PARVA: variants seen among roughly 807,000 people sequenced by gnomAD.
PARVA encodes alpha-parvin.
A neutral mutation model predicts 52.6 loss-of-function variants in PARVA; 25 were observed. The ratio of observed to expected loss-of-function variants is 0.48; its 90% CI spans 0.35 to 0.66. The LOEUF (loss-of-function observed/expected upper bound fraction) is 0.66, where lower values mean the gene tolerates loss of function less well. Ranked by LOEUF, PARVA falls within the 30% of genes least tolerant of loss-of-function variation. The pLI is 0.01. For missense variants in PARVA, 373 were observed against 450.9 expected, an observed-to-expected ratio of 0.83 and a Z score of 1.56; for synonymous variants, 185 against 179.1, an observed-to-expected ratio of 1.03 and a Z score of -0.26.
At chr11:12,443,869 G>A (rs1167100312) in intron 1 of PARVA, among the ~76,000 whole-genome samples, 1 of 152,160 alleles carries the variant, frequency 6.6e-6, no homozygotes, top group Non-Finnish European at 1.5e-5. Context: ...GTTGAGCCCT[G>A]CTTCTTCTCC....
intron 5 of PARVA, among the ~76,000 whole-genome samples, chr11:12,497,431 C>A (rs1941311614): frequency 6.6e-6 from 1 of 151,484 alleles, no homozygotes; most frequent in Non-Finnish European, 1.5e-5. Context: ...CAACAGCCCC[C>A]TACAAAAAAA....
rs745807277 is a variant in PARVA at position 12,477,966 on chromosome 11, C to A, written c.400+17C>A. ...AGCTTTTCGGTAGGAGAGTTGAGTG[C>A]TGCAATGGATGTGTGTTTAATTGCA... On this transcript the variant is annotated intron_variant, in intron 4 of 12. Transcript: ENST00000334956. 45 of 1,329,850 alleles carry A rather than the reference C, an allele frequency of 3.4e-5. No homozygotes were observed. The South Asian group carries it at 4.6e-4, about 13-fold the overall frequency. The allele number at this position is 1,329,850 out of a possible 1,614,324, so 82.4% of individuals were successfully genotyped here. A position where few individuals can be genotyped will look rare whatever the true frequency, so the allele number is the denominator to read the frequency against.
chr11:12,446,141 A>G (rs956598461), intron 1 of PARVA, among the ~76,000 whole-genome samples: 1 of 152,202 alleles, frequency 6.6e-6, no homozygotes, highest in Non-Finnish European at 1.5e-5. Context: ...TAAACATGAC[A>G]TCTAAAAACA....
chr11:12,451,837 T>C (rs190791230), intron 1 of PARVA, among the ~76,000 whole-genome samples: 3 of 152,312 alleles, frequency 2.0e-5, no homozygotes, highest in Admixed American at 2.0e-4. Context: ...ACTCTGTACC[T>C]TTTAGCCATT....
chr11:12,455,779 A>G (rs140016507), intron 1 of PARVA, among the ~76,000 whole-genome samples: 177 of 152,196 alleles, frequency 1.2e-3, no homozygotes, highest in African/African-American at 4.1e-3. Flanking sequence ...GCCACCTCTG[A>G]AACTTCATCT....
intron 1 of PARVA, among the ~76,000 whole-genome samples, chr11:12,430,831 C>T (rs1358846147): frequency 2.6e-5 from 4 of 152,150 alleles, no homozygotes; most frequent in African/African-American, 9.7e-5. Flanking sequence ...AAAAGAAATC[C>T]AAACGTGCTT....
At chr11:12,406,739 C>T (rs373890026) in intron 1 of PARVA, among the ~76,000 whole-genome samples, 4 of 136,600 alleles carry the variant, frequency 2.9e-5, no homozygotes, top group African/African-American at 8.3e-5. Flanking sequence ...GGCGCAATCT[C>T]GGCTCACTGC....
chr11:12,406,652 G>T (rs1378576023), intron 1 of PARVA, among the ~76,000 whole-genome samples: 5 of 134,254 alleles, frequency 3.7e-5, no homozygotes, highest in African/African-American at 1.4e-4. Flanking sequence ...AGCTATTTAG[G>T]TTGTATCTGT....
chr11:12,435,910 C>T (rs180849305), intron 1 of PARVA, among the ~76,000 whole-genome samples: 51 of 152,210 alleles, frequency 3.4e-4, no homozygotes, highest in African/African-American at 1.1e-3. Context: ...CTCTGCTTCC[C>T]GGGTTCAAGT....
chr11:12,418,198 G>C (rs1310973648), intron 1 of PARVA, among the ~76,000 whole-genome samples: 1 of 152,226 alleles, frequency 6.6e-6, no homozygotes, highest in Non-Finnish European at 1.5e-5. Context: ...AGGTGGAAGT[G>C]GGTCATTGGA....
chr11:12,496,835 A>G (rs1307289959), intron 5 of PARVA, among the ~76,000 whole-genome samples: 1 of 152,232 alleles, frequency 6.6e-6, no homozygotes, highest in Non-Finnish European at 1.5e-5. Flanking sequence ...GGCTTTGCAT[A>G]GAAACCTCAC....
In PARVA at chr11:12,460,261, G is replaced by A. The variant is rs185245959; in HGVS notation, c.137-13484G>A. Among the ~76,000 whole-genome samples, 3 of 152,220 alleles carry A rather than the reference G, an allele frequency of 2.0e-5. No homozygotes were observed. The East Asian group carries it at 5.8e-4, about 29-fold the overall frequency. ...ATAGCATAGTGTTAAGGATGTGAGA[G>A]CTCTGCAGCCAGCTGGCTCAGGATC... is the stretch of plus-strand genomic sequence containing the variant. On this transcript the variant is annotated intron_variant, in intron 1 of 12. Transcript: ENST00000334956.
At chr11:12,380,225 A>C (rs1279149263) in intron 1 of PARVA, among the ~76,000 whole-genome samples, 3 of 140,182 alleles carry the variant, frequency 2.1e-5, no homozygotes. Context: ...AAAATAATTT[A>C]GTGAAAGGGC....
At chr11:12,483,878 C>G (rs1363087954) in intron 4 of PARVA, among the ~76,000 whole-genome samples, 1 of 152,246 alleles carries the variant, frequency 6.6e-6, no homozygotes, top group Non-Finnish European at 1.5e-5. Context: ...CTTTCCAAAC[C>G]TCAGAGCAGA....
chr11:12,443,073 G>C (rs1940490898), intron 1 of PARVA, among the ~76,000 whole-genome samples: 2 of 151,902 alleles, frequency 1.3e-5, no homozygotes, highest in Admixed American at 1.3e-4. Flanking sequence ...GTGTTAGCCA[G>C]GATGGTCTTG....
At chr11:12,470,731 A>C (rs1396561470) in intron 1 of PARVA, among the ~76,000 whole-genome samples, 1 of 152,210 alleles carries the variant, frequency 6.6e-6, no homozygotes, top group Non-Finnish European at 1.5e-5. Flanking sequence ...CGCTAATCAG[A>C]GTCTCATAGA....
At chr11:12,463,339 T>G (rs1940810139) in intron 1 of PARVA, among the ~76,000 whole-genome samples, 1 of 152,140 alleles carries the variant, frequency 6.6e-6, no homozygotes, top group Non-Finnish European at 1.5e-5. Context: ...CATGTCTCCT[T>G]AGGCTTCTCT....
intron 1 of PARVA, among the ~76,000 whole-genome samples, chr11:12,457,899 C>A (rs974484629): frequency 1.1e-4 from 16 of 152,350 alleles, no homozygotes; most frequent in African/African-American, 3.4e-4. Context: ...CCTGGTCCCC[C>A]CTGGCAGTGT....
At chr11:12,378,163 T>G (rs1365811575) in intron 1 of PARVA, among the ~76,000 whole-genome samples, 1 of 152,112 alleles carries the variant, frequency 6.6e-6, no homozygotes, top group East Asian at 1.9e-4. Flanking sequence ...TGCCCCGCCC[T>G]CTGCGCCCGA....
Sources: gnomAD v4.1 joint callset for allele counts (sites outside exome capture counted in the v4.1 genomes callset) on GRCh38, gnomAD v4.1.1 for gene constraint, MANE v1.5 for transcripts, NCBI Gene and HGNC (gene_info 2026-07-23, HGNC 2026-07-21) for gene names.